Variants in DHRS9 observed in about 807,000 individuals in gnomAD.
DHRS9 encodes dehydrogenase/reductase SDR family member 9.
In DHRS9, 18 loss-of-function variants were observed where a neutral mutation model predicts 26.6. That is an observed-to-expected ratio of 0.68 (90% CI 0.47 to 1.00). DHRS9 has a LOEUF of 1.00. Among genes scored for constraint, DHRS9 ranks in the 50% least tolerant of loss-of-function variants. The pLI, the probability that DHRS9 is intolerant of heterozygous loss-of-function variation, is 0.00. For synonymous variants in DHRS9, 134 were observed against 141.1 expected (o/e 0.95, Z 0.36); for missense variants, 425 against 378.7 (o/e 1.12, Z -1.01).
intron 3 of DHRS9, among the ~76,000 whole-genome samples, chr2:169,091,547 T>C (rs1162077937): frequency 2.0e-5 from 3 of 152,214 alleles, no homozygotes; most frequent in Admixed American, 1.3e-4. Context: ...AGAACAACAG[T>C]GGACTGGGGG....
chr2:169,077,293 C>T (rs867493692), intron 1 of DHRS9, among the ~76,000 whole-genome samples: 1 of 152,124 alleles, frequency 6.6e-6, no homozygotes, highest in East Asian at 1.9e-4. Flanking sequence ...ACTACAGCTA[C>T]CTCAGAAGTG....
intron 1 of DHRS9, among the ~76,000 whole-genome samples, chr2:169,072,114 C>CA (rs2105278237): frequency 6.6e-6 from 1 of 151,040 alleles, no homozygotes; most frequent in Admixed American, 6.6e-5. Context: ...ACCGGGTTTA[C>CA]AATATTCAAA....
In DHRS9 at chr2:169,081,672, T is replaced by C; in HGVS notation, c.91T>C (p.Tyr31His). Reference protein sequence around the residue: ...KLKIEDITDKYIFITGCDSGF... With the variant: ...KLKIEDITDKHIFITGCDSGF... ...AAAGATTGAAGACATCACTGATAAG[T>C]ACATTTTTATCACTGGATGTGACTC... Residue 31 changes from tyrosine to histidine, a missense_variant, in exon 2 of 5, where the codon TAC (tyrosine) becomes CAC (histidine). Physicochemically the swap from Tyr to His is moderately conservative, Grantham distance 83. Coordinates refer to ENST00000674881, the MANE Select transcript of DHRS9 (RefSeq NM_001376924.1). 6.2e-7 allele frequency: 1 copy of C among 1,614,182 alleles called. No homozygotes were observed. The highest frequency in any genetic ancestry group is 1.7e-5 in the Admixed American group (1 of 60,028).
intron 3 of DHRS9, among the ~76,000 whole-genome samples, chr2:169,084,118 A>G (rs1053581619): frequency 1.3e-5 from 2 of 152,126 alleles, no homozygotes; most frequent in Non-Finnish European, 2.9e-5. Flanking sequence ...GGCTTGTTTT[A>G]CTTAACATAA....
chr2:169,081,339 T>C (rs992981870), intron 1 of DHRS9, among the ~76,000 whole-genome samples, 184 bp from the exon 2 acceptor site: 4 of 152,202 alleles, frequency 2.6e-5, no homozygotes, highest in African/African-American at 9.6e-5. Context: ...TTTGCATTAC[T>C]TTAGAGGAAC....
chr2:169,072,449 T>C (rs1429907973), intron 1 of DHRS9: 3 of 243,216 alleles, frequency 1.2e-5, no homozygotes, highest in Non-Finnish European at 2.0e-5. Context: ...ATAAAAAGTA[T>C]ACCTCACAAT....
At chr2:169,084,207 A>G (rs1271431628) in intron 3 of DHRS9, among the ~76,000 whole-genome samples, 1 of 152,154 alleles carries the variant, frequency 6.6e-6, no homozygotes, top group African/African-American at 2.4e-5. Flanking sequence ...TCCATTGTAT[A>G]TATATACTGC....
intron 3 of DHRS9, among the ~76,000 whole-genome samples, chr2:169,090,362 A>G (rs1249647605): frequency 6.6e-6 from 1 of 152,214 alleles, no homozygotes; most frequent in African/African-American, 2.4e-5. Flanking sequence ...GTCTTCCTAA[A>G]TAGCCTCTTG....
chr2:169,093,693 T>C (rs988408648), intron 4 of DHRS9, among the ~76,000 whole-genome samples: 3 of 152,210 alleles, frequency 2.0e-5, no homozygotes, highest in Admixed American at 6.5e-5. Context: ...CCAAAAGGCA[T>C]TGAGCTCAGT....
chr2:169,079,968 A>G (rs1574026423), intron 1 of DHRS9, among the ~76,000 whole-genome samples: 2 of 111,860 alleles, frequency 1.8e-5, no homozygotes, highest in African/African-American at 3.5e-5. Flanking sequence ...AGAGAGAGAG[A>G]GAGAGAGAGA....
At chr2:169,084,145 C>T (rs1350323597) in intron 3 of DHRS9, among the ~76,000 whole-genome samples, 1 of 152,134 alleles carries the variant, frequency 6.6e-6, no homozygotes, top group Admixed American at 6.6e-5. Flanking sequence ...CCAGTTCCAT[C>T]CAAGTTGTTG....
Position 169,095,727 on chromosome 2 carries a change from T to A in DHRS9, c.920T>A (p.Leu307Ter), listed in dbSNP as rs1440053956. ...GCAGCTTTGCAAGACTTTTTATTGT[T>A]GAAACAGAAAGCAGAGCTGGCTAAT... is the stretch of plus-strand genomic sequence containing the variant. ...MPAALQDFLL[L>*]KQKAELANPK... Residue 307 changes from leucine (L) to a stop codon, truncating the protein, a stop_gained, in exon 5 of 5, where the codon TTG becomes TAG. Transcript: ENST00000674881. LOFTEE classifies it high-confidence loss of function. 4 of 1,613,736 alleles carry A rather than the reference T, an allele frequency of 2.5e-6. No homozygotes were observed. The highest frequency in any genetic ancestry group is 3.4e-6 in the Non-Finnish European group (4 of 1,179,856).
chr2:169,085,591 A>G (rs1369869079), intron 3 of DHRS9, among the ~76,000 whole-genome samples: 1 of 152,132 alleles, frequency 6.6e-6, no homozygotes, highest in Non-Finnish European at 1.5e-5. Context: ...TTTAACTTGT[A>G]AATGGAATTA....
rs1684670813 is a variant in DHRS9 at position 169,095,619 on chromosome 2, C to G, written c.812C>G (p.Ala271Gly). 1.9e-6 allele frequency: 3 copies of G among 1,613,982 alleles called. No homozygotes were observed. The highest frequency in any genetic ancestry group is 1.3e-5 in the African/African-American group (1 of 75,012). Residue 271 changes from alanine (A) to glycine (G), a missense_variant, in exon 5 of 5, where the codon GCT becomes GGT. Physicochemically the swap from Ala to Gly is moderately conservative, Grantham distance 60. Transcript: ENST00000674881. ...LSPVVECMDH[A>G]LTSLFPKTHY... The stretch of plus-strand genomic sequence containing the variant: ...CCGGTGGTAGAGTGCATGGACCACG[C>G]TCTAACAAGTCTCTTCCCTAAGACT...
chr2:169,080,844 G>A (rs1489185025), intron 1 of DHRS9, among the ~76,000 whole-genome samples: 2 of 152,106 alleles, frequency 1.3e-5, no homozygotes, highest in Non-Finnish European at 2.9e-5. Context: ...GCATTGGCCA[G>A]CATTTCCCTC....
chr2:169,093,725 A>C (rs1684606846), intron 4 of DHRS9, among the ~76,000 whole-genome samples: 1 of 152,208 alleles, frequency 6.6e-6, no homozygotes, highest in African/African-American at 2.4e-5. Context: ...TGTTCTCACT[A>C]GAGTTTTCAA....
At chr2:169,075,701 C>T (rs1301520451) in intron 1 of DHRS9, among the ~76,000 whole-genome samples, 1 of 151,998 alleles carries the variant, frequency 6.6e-6, no homozygotes, top group African/African-American at 2.4e-5. Context: ...TCTTTTACTT[C>T]ATGACTTTGA....
intron 1 of DHRS9, chr2:169,074,530 C>T (rs767334985): frequency 2.7e-4 from 228 of 837,986 alleles, no homozygotes; most frequent in Non-Finnish European, 3.2e-4. Context: ...CCACAGCTGG[C>T]GTAGTGTGGT....
intron 1 of DHRS9, among the ~76,000 whole-genome samples, chr2:169,077,653 C>G (rs571478702): frequency 2.0e-5 from 3 of 152,106 alleles, no homozygotes; most frequent in African/African-American, 7.2e-5. Context: ...TGTAGAAACC[C>G]CTGAATTCTA....
Sources: allele counts gnomAD v4.1 joint callset (sites outside exome capture counted in the v4.1 genomes callset), GRCh38; gene constraint gnomAD v4.1.1; transcripts MANE v1.5; gene names NCBI Gene and HGNC (gene_info 2026-07-23, HGNC 2026-07-21).